Variants in CCAR1 observed in about 807,000 individuals in gnomAD.
The protein encoded by CCAR1 is cell division cycle and apoptosis regulator 1.
Under a neutral mutation model 163.8 loss-of-function variants are expected in CCAR1, and 78 were observed. The observed-to-expected ratio is 0.48, with a 90% CI of 0.40 to 0.57. The LOEUF is 0.57. Ranked by LOEUF, CCAR1 falls within the 20% of genes least tolerant of loss-of-function variation. CCAR1 has a pLI of 0.00. For synonymous variants in CCAR1, 443 were observed against 460.7 expected (o/e 0.96, Z 0.49); for missense variants, 1,019 against 1,365.2 (o/e 0.75, Z 4.00).
intron 19 of CCAR1, 46 bp from the exon 20 acceptor site, chr10:68,786,089 GT>G: frequency 7.9e-7 from 1 of 1,270,970 alleles, no homozygotes. Context: ...CCACTTGAAA[GT>G]ATGTGTATTA....
rs1310647354 is a variant in CCAR1, at chr10:68,749,232, G to T, written c.923G>T (p.Gly308Val). ...PSRFSGRNDRGDQVPNRKDDR... is the reference protein window; with the variant it reads ...PSRFSGRNDRVDQVPNRKDDR... The stretch of plus-strand genomic sequence containing the variant: ...CGATTTTCAGGAAGAAATGACAGAG[G>T]GGATCAAGTGCCTAACAGAAAAGAT... The change falls in exon 9 of 25, where the codon GGG (glycine) becomes GTG (valine). Residue 308 changes from glycine (G) to valine (V), a missense_variant. Around this residue, in one of 4 missense-constraint regions of CCAR1, gnomAD observed 644 missense variants for 904.4 expected, o/e 0.71. Coordinates refer to ENST00000265872, the MANE Select transcript of CCAR1 (RefSeq NM_018237.4). 1.2e-6 allele frequency: 2 copies of T among 1,612,282 alleles called. No homozygotes were observed. The highest frequency in any genetic ancestry group is 1.7e-6 in the Non-Finnish European group (2 of 1,179,644).
chr10:68,742,924 G>T (rs2056201404), intron 6 of CCAR1, among the ~76,000 whole-genome samples: 1 of 151,962 alleles, frequency 6.6e-6, no homozygotes, highest in Admixed American at 6.6e-5. Flanking sequence ...GGCCAGTGTA[G>T]CTATGATTTT....
chr10:68,788,214 A>G lies in CCAR1; in HGVS notation c.3073A>G (p.Ile1025Val), dbSNP rs756815737. Residue 1025 changes from isoleucine (I) to valine (V), a missense_variant, in exon 23 of 25, where the codon ATT becomes GTT. By Grantham distance (29) the Ile-to-Val change is conservative. Coordinates refer to ENST00000265872, the MANE Select transcript of CCAR1 (RefSeq NM_018237.4). Reference sequence around the variant, plus strand: ...GGATGTGGAAGAAAATGTTGGCCTCATTGTGTACAATGGTGCAATGGTAGA... The same window carrying G: ...GGATGTGGAAGAAAATGTTGGCCTCGTTGTGTACAATGGTGCAATGGTAGA... ...SKDVEENVGLIVYNGAMVDVG... is the reference protein window; with the variant it reads ...SKDVEENVGLVVYNGAMVDVG... 12 of 1,600,572 alleles carry G rather than the reference A, an allele frequency of 7.5e-6. No individual in the cohort carries two copies. Among genetic ancestry groups the G allele is most frequent in the Non-Finnish European group, 1.0e-5 (12 of 1,175,480 alleles).
chr10:68,754,742 A>G lies in CCAR1; in HGVS notation c.1373A>G (p.Glu458Gly). The G allele has an allele frequency of 6.2e-7, 1 of 1,609,222 alleles. No homozygotes were observed. The highest frequency in any genetic ancestry group is 2.2e-5 in the East Asian group (1 of 44,842). Residue 458 changes from glutamate (E) to glycine (G), a missense_variant, in exon 12 of 25, where the codon GAA becomes GGA. Glu to Gly is a moderately conservative substitution (Grantham distance 98). This residue lies in a region of CCAR1 where 644 missense variants were observed against 904.4 expected (regional missense o/e 0.71). Coordinates refer to ENST00000265872, the MANE Select transcript of CCAR1 (RefSeq NM_018237.4). ...ATGCTGATGGCTAGCCCTAGTATGGAAGATTTATATCATAAGTCATGTGCT... is the reference window on the plus strand; with the variant it reads ...ATGCTGATGGCTAGCCCTAGTATGGGAGATTTATATCATAAGTCATGTGCT... The part of the protein sequence containing the change: ...KVMLMASPSM[E>G]DLYHKSCALA...
chr10:68,790,320 ACT>A (rs2056838978), intron 24 of CCAR1, among the ~76,000 whole-genome samples: 2 of 150,920 alleles, frequency 1.3e-5, no homozygotes, highest in Non-Finnish European at 2.9e-5. Flanking sequence ...GCACCATTGC[ACT>A]CTAGCCTGGG....
At chr10:68,789,584 T>G (rs1002748431) in intron 23 of CCAR1, 126 bp from the exon 24 acceptor site, 2 of 619,928 alleles carry the variant, frequency 3.2e-6, no homozygotes, top group Non-Finnish European at 5.7e-6. Context: ...CTAATGAAAT[T>G]GACAGACATT....
intron 17 of CCAR1, among the ~76,000 whole-genome samples, 168 bp from the exon 18 acceptor site, chr10:68,771,038 G>A (rs561534768): frequency 6.6e-5 from 10 of 151,884 alleles, no homozygotes; most frequent in African/African-American, 1.4e-4. Context: ...AGATCGTGCC[G>A]CTGCACTCCA....
chr10:68,725,132 C>T (rs546998350), intron 2 of CCAR1, among the ~76,000 whole-genome samples: 4 of 151,308 alleles, frequency 2.6e-5, no homozygotes, highest in Admixed American at 2.6e-4. Flanking sequence ...ACGAGAGAAA[C>T]TCCGTCTCAA....
intron 6 of CCAR1, among the ~76,000 whole-genome samples, chr10:68,744,691 G>A (rs2056229025): frequency 6.6e-6 from 1 of 151,960 alleles, no homozygotes; most frequent in Admixed American, 6.6e-5. Context: ...CTTAGTCTTG[G>A]GTTATAAAAG....
intron 24 of CCAR1, 63 bp downstream of exon 24, chr10:68,789,978 T>G: frequency 1.0e-6 from 1 of 992,706 alleles, no homozygotes; most frequent in East Asian, 2.5e-5. Context: ...GTGTTTTTAA[T>G]GTATTTTAAT....
chr10:68,786,190 A>G lies in CCAR1; in HGVS notation c.2705A>G (p.Tyr902Cys), dbSNP rs755031358. Residue 902 changes from tyrosine to cysteine, a missense_variant, in exon 20 of 25, where the codon TAC becomes TGC. Coordinates refer to ENST00000265872, the MANE Select transcript of CCAR1 (RefSeq NM_018237.4). ...GATGACAAAAGAGATATCAACAGAT[A>G]CTGCAAGGAGAGGCCCTCTAAAGAT... is the stretch of plus-strand genomic sequence containing the variant. Reference protein sequence around the residue: ...KRDDKRDINRYCKERPSKDKE... With the variant: ...KRDDKRDINRCCKERPSKDKE... 5 of 1,611,032 alleles carry G rather than the reference A, an allele frequency of 3.1e-6. No homozygotes were observed. In the Admixed American group the frequency reaches 6.7e-5, roughly 22 times the overall value.
Position 68,761,124 on chromosome 10 carries a change from AAGGAGTTAG to A in CCAR1, c.2041_2049del (p.Glu681_Glu683del). On this transcript the variant is annotated inframe_deletion, in exon 16 of 25. Transcript: ENST00000265872. ...AGTAGAGGAACAAAAAGAAGAACAG[AAGGAGTTAG>A]AGAAATCTGAAAAAGAAGAGGATGA... The A allele has an allele frequency of 6.2e-7, 1 of 1,611,422 alleles. No homozygotes were observed. Among genetic ancestry groups the A allele is most frequent in the Non-Finnish European group, 8.5e-7 (1 of 1,178,956 alleles).
chr10:68,791,221 T>C lies in CCAR1; in HGVS notation c.3408T>C (p.Asn1136=). The C allele has an allele frequency of 1.9e-6, 3 of 1,589,510 alleles. No individual in the cohort carries two copies. The highest frequency in any genetic ancestry group is 1.7e-4 in the Middle Eastern group (1 of 5,980). Residue 1136 remains asparagine, a synonymous_variant, in exon 25 of 25, where the codon AAT becomes AAC. Coordinates refer to ENST00000265872, the MANE Select transcript of CCAR1 (RefSeq NM_018237.4). ...TTGTCTTATAGGATAATGTAAAGAA[T>C]GAAGACAAAGATCAAAAATCCAAGG... ...HTVLKKDNVK[N]EDKDQKSKEN... is the part of the protein sequence containing the mutation.
intron 10 of CCAR1, 104 bp from the exon 11 acceptor site, chr10:68,753,748 C>CA: frequency 1.2e-6 from 1 of 822,886 alleles, no homozygotes; most frequent in Non-Finnish European, 2.0e-6. Context: ...TGTCTTTTTT[C>CA]AGCTTACTTT....
At chr10:68,759,267 T>G (rs2056438635) in intron 15 of CCAR1, 1 of 152,070 alleles carries the variant, frequency 6.6e-6, no homozygotes, top group South Asian at 2.1e-4. Flanking sequence ...TTTAAAAAAT[T>G]ATTTGGGCAT....
chr10:68,785,223 CTT>C (rs762164164), intron 19 of CCAR1, among the ~76,000 whole-genome samples: 39 of 136,852 alleles, frequency 2.8e-4, no homozygotes, highest in Middle Eastern at 4.0e-3. Flanking sequence ...GGCCCTATAA[CTT>C]TTTTTTTTTT....
intron 8 of CCAR1, 38 bp from the exon 9 acceptor site, chr10:68,749,098 T>A (rs534750255): frequency 7.3e-5 from 118 of 1,612,886 alleles, no homozygotes; most frequent in Middle Eastern, 5.0e-4. Flanking sequence ...GAACTTTGTT[T>A]AGACACGCTA....
At chr10:68,783,948 C>T (rs936912499) in intron 19 of CCAR1, among the ~76,000 whole-genome samples, 16 of 151,706 alleles carry the variant, frequency 1.1e-4, no homozygotes, top group Non-Finnish European at 1.6e-4. Context: ...TTAGTAGAGA[C>T]GGGGTTTCAC....
intron 19 of CCAR1, among the ~76,000 whole-genome samples, chr10:68,785,797 T>C (rs542128337): frequency 6.6e-6 from 1 of 152,316 alleles, no homozygotes; most frequent in African/African-American, 2.4e-5. Context: ...AGGCAACCAT[T>C]AGTCTGCTTT....
Sources: allele counts gnomAD v4.1 joint callset (sites outside exome capture counted in the v4.1 genomes callset), GRCh38; gene constraint gnomAD v4.1.1; regional missense constraint gnomAD v4.1.1; transcripts MANE v1.5; gene names NCBI Gene and HGNC (gene_info 2026-07-23, HGNC 2026-07-21).